Variants in SLC46A1 observed in about 807,000 individuals in gnomAD.
SLC46A1 encodes the protein solute carrier family 46 member 1.
In SLC46A1, 17 loss-of-function variants were observed where a neutral mutation model predicts 32.1. The ratio of observed to expected loss-of-function variants is 0.53; its 90% CI spans 0.36 to 0.79. The LOEUF (loss-of-function observed/expected upper bound fraction) is 0.79. SLC46A1 is among the 30% of genes least tolerant of loss of function. The pLI, the probability that SLC46A1 is intolerant of heterozygous loss-of-function variation, is 0.00. For missense variants in SLC46A1, 517 were observed against 588.2 expected (o/e 0.88, Z 1.25); for synonymous variants, 240 against 262.7 (o/e 0.91, Z 0.84).
chr17:28,402,400 C>T, intron 2 of SLC46A1, 79 bp from the exon 3 acceptor site: 1 of 1,250,920 alleles, frequency 8.0e-7, no homozygotes, highest in Non-Finnish European at 1.1e-6. Flanking sequence ...GAGCTCCTAT[C>T]CATACCCCAC....
intron 2 of SLC46A1, chr17:28,404,232 C>T (rs2068227949): frequency 8.3e-6 from 2 of 241,026 alleles, no homozygotes; most frequent in Admixed American, 1.0e-4. Flanking sequence ...GAGGTAGGTC[C>T]TGTGATTCTT....
intron 4 of SLC46A1, 107 bp downstream of exon 4, chr17:28,400,503 G>C (rs2068182546): frequency 1.4e-6 from 2 of 1,462,112 alleles, no homozygotes; most frequent in South Asian, 2.6e-5. Context: ...GACACCCAGA[G>C]GGTAAGGATT....
rs1278608677 is a variant in SLC46A1, at chr17:28,395,821, C to T, written c.*3835G>A. ...TCCTGCCCTGGGCCCAGCCTCGGGC[C>T]AGTGGGCCTCCCAGCACCTGCCTGG... is the stretch of plus-strand genomic sequence containing the variant. On this transcript the variant is annotated 3_prime_UTR_variant, in exon 5 of 5. Transcript: ENST00000612814. 6 of 1,549,136 alleles carry T rather than the reference C, an allele frequency of 3.9e-6. No individual in the cohort carries two copies. In the African/African-American group the frequency reaches 8.1e-5, roughly 21 times the overall value.
intron 2 of SLC46A1, chr17:28,403,275 T>C (rs1400841663): frequency 6.6e-6 from 1 of 152,250 alleles, no homozygotes; most frequent in African/African-American, 2.4e-5. Context: ...AACCAATACA[T>C]GAGGTAAAAA....
Position 28,405,217 on chromosome 17 carries a change from A to G in SLC46A1, c.480T>C (p.Leu160=), listed in dbSNP as rs1555590813. 1 of 1,597,394 alleles carries G rather than the reference A, an allele frequency of 6.3e-7. No individual in the cohort carries two copies. Among genetic ancestry groups the G allele is most frequent in the Non-Finnish European group, 8.5e-7 (1 of 1,172,344 alleles). Residue 160 remains leucine (L), a synonymous_variant, in exon 2 of 5, where the codon CTT becomes CTC. Transcript: ENST00000612814. ...LCALLGDFGG[L]LAASFASVAD... ...CCACGGACGCAAAGCTAGCAGCCAG[A>G]AGGCCACCGAAGTCGCCGAGGAGGG...
Position 28,395,860 on chromosome 17 carries a change from T to C in SLC46A1, c.*3796A>G. ...GCACCTGCCTGGCTACAAGGGTCCC[T>C]AGATGGGTACAGGGGTATCTTCCTC... On this transcript the variant is annotated 3_prime_UTR_variant, in exon 5 of 5. Coordinates refer to ENST00000612814, the MANE Select transcript of SLC46A1 (RefSeq NM_080669.6). 6.2e-7 allele frequency: 1 copy of C among 1,608,878 alleles called. No homozygotes were observed. The highest frequency in any genetic ancestry group is 8.5e-7 in the Non-Finnish European group (1 of 1,178,756).
intron 3 of SLC46A1, 91 bp downstream of exon 3, chr17:28,402,147 C>T: frequency 9.0e-7 from 1 of 1,115,224 alleles, no homozygotes; most frequent in Non-Finnish European, 1.3e-6. Flanking sequence ...GGGGGGAAGG[C>T]AAGCTGTTCC....
Position 28,405,581 on chromosome 17 carries a change from T to A in SLC46A1, c.229-113A>T, listed in dbSNP as rs2068249761. 4.8e-6 allele frequency: 7 copies of A among 1,452,418 alleles called. No homozygotes were observed. In the Admixed American group the frequency reaches 1.2e-4, roughly 25 times the overall value. 90.0% of individuals were successfully genotyped at this position (1,452,418 alleles called of 1,614,324 possible). On this transcript the variant is annotated intron_variant, in intron 1 of 4. Coordinates refer to ENST00000612814, the MANE Select transcript of SLC46A1 (RefSeq NM_080669.6). Reference sequence around the variant, plus strand: ...AGGACTTCCTTTGGAGCCCTAAACCTCAGAGAATCTTAGCACAGCTTTCAA... The same window carrying A: ...AGGACTTCCTTTGGAGCCCTAAACCACAGAGAATCTTAGCACAGCTTTCAA...
chr17:28,405,522 C>T, intron 1 of SLC46A1, 54 bp from the exon 2 acceptor site: 1 of 1,572,086 alleles, frequency 6.4e-7, no homozygotes, highest in Non-Finnish European at 8.6e-7. Flanking sequence ...TCCACAATCC[C>T]CAAATCCTCG....
In SLC46A1 at chr17:28,396,549, G is replaced by C. The variant is rs1555588078; in HGVS notation, c.*3107C>G. On this transcript the variant is annotated 3_prime_UTR_variant, in exon 5 of 5. Coordinates refer to ENST00000612814, the MANE Select transcript of SLC46A1 (RefSeq NM_080669.6). ...CATTGGGTTGTCTGTCTCCGTCATG[G>C]GGAGGGTCCCTGCTCAGTTCTGGAG... The C allele has an allele frequency of 1.9e-6, 1 of 522,986 alleles. No homozygotes were observed. The highest frequency in any genetic ancestry group is 3.4e-6 in the Non-Finnish European group (1 of 289,866). 32.4% of individuals were successfully genotyped at this position (522,986 alleles called of 1,614,324 possible).
In SLC46A1 at chr17:28,404,764, C is replaced by T; in HGVS notation, c.933G>A (p.Gln311=). 3 of 1,614,018 alleles carry T rather than the reference C, an allele frequency of 1.9e-6. No individual in the cohort carries two copies. The highest frequency in any genetic ancestry group is 2.5e-6 in the Non-Finnish European group (3 of 1,179,896). The change falls in exon 2 of 5, where the codon CAG becomes CAA. Residue 311 remains glutamine, a synonymous_variant. Coordinates refer to ENST00000612814, the MANE Select transcript of SLC46A1 (RefSeq NM_080669.6). The part of the protein sequence containing the change: ...SKLIGYGSAA[Q]HLPYLTSLLA... ...GCAGGCTGGTGAGGTAGGGGAGATG[C>T]TGAGCTGCAGAACCATAGCCGATTA...
At chr17:28,400,376 T>G (rs1416923095) in intron 4 of SLC46A1, 2 of 531,170 alleles carry the variant, frequency 3.8e-6, no homozygotes, top group Non-Finnish European at 6.7e-6. Flanking sequence ...AACACAGCCT[T>G]GCCAAGCAGC....
chr17:28,405,020 G>A lies in SLC46A1; in HGVS notation c.677C>T (p.Ala226Val). 3.1e-6 allele frequency: 5 copies of A among 1,614,030 alleles called. No individual in the cohort carries two copies. The highest frequency in any genetic ancestry group is 4.2e-6 in the Non-Finnish European group (5 of 1,179,896). ...LALLIAMTLY[A>V]AFCFGETLKE... ...TAAGGTCTCACCAAAGCAGAAAGCT[G>A]CATAGAGAGTCATGGCTATCAGCAA... The change falls in exon 2 of 5, where the codon GCA becomes GTA. Residue 226 changes from alanine to valine, a missense_variant. By Grantham distance (64) the Ala-to-Val change is moderately conservative. Coordinates refer to ENST00000612814, the MANE Select transcript of SLC46A1 (RefSeq NM_080669.6).
At position 28,396,052 on chromosome 17, in the gene SLC46A1, G is replaced by A. The variant is rs782010863; in HGVS notation, c.*3604C>T. On this transcript the variant is annotated 3_prime_UTR_variant, in exon 5 of 5. Transcript: ENST00000612814. Reference sequence around the variant, plus strand: ...GTGAGCCCCAGGGCCCTGGGACCAGGGGGGTAGGGTACAAATCACCATGAC... The same window carrying A: ...GTGAGCCCCAGGGCCCTGGGACCAGAGGGGTAGGGTACAAATCACCATGAC... The A allele has an allele frequency of 1.2e-6, 2 of 1,613,740 alleles. No homozygotes were observed. The highest frequency in any genetic ancestry group is 1.7e-6 in the Non-Finnish European group (2 of 1,179,766).
At chr17:28,405,820 C>T in intron 1 of SLC46A1, 67 bp downstream of exon 1, 1 of 1,466,814 alleles carries the variant, frequency 6.8e-7, no homozygotes, top group Non-Finnish European at 9.2e-7. Flanking sequence ...GCAGGCCCCG[C>T]CCCTCCGCTG....
At chr17:28,399,842 G>T in intron 4 of SLC46A1, 129 bp from the exon 5 acceptor site, 1 of 853,718 alleles carries the variant, frequency 1.2e-6, no homozygotes, top group Non-Finnish European at 2.0e-6. Flanking sequence ...CCTTCCCCAA[G>T]CTGAGAAGCT....
Position 28,405,477 on chromosome 17 carries a change from G to T in SLC46A1, c.229-9C>A. 6.3e-7 allele frequency: 1 copy of T among 1,595,732 alleles called. No individual in the cohort carries two copies. Among genetic ancestry groups the T allele is most frequent in the Admixed American group, 1.7e-5 (1 of 57,966 alleles). On this transcript the variant is annotated splice_polypyrimidine_tract_variant and intron_variant, in intron 1 of 4. Transcript: ENST00000612814. ...GTAAGGGTCTCCACTTCCTGTAGGG[G>T]CACAATGACCAGGGTGCGGTTCCTC...
rs1555591317 is a variant in SLC46A1 at position 28,405,980 on chromosome 17, C to T, written c.135G>A (p.Gln45=). 6.2e-6 allele frequency: 10 copies of T among 1,611,776 alleles called. No individual in the cohort carries two copies. The highest frequency in any genetic ancestry group is 7.6e-6 in the Non-Finnish European group (9 of 1,179,340). Residue 45 remains glutamine (Q), a synonymous_variant, in exon 1 of 5, where the codon CAG becomes CAA. Transcript: ENST00000612814. ...ALVLQGPLTT[Q]YLWHRFSADL... Reference sequence around the variant, plus strand: ...CGGCGCTGAAGCGGTGCCACAGATACTGCGTGGTGAGCGGGCCCTGCAGGA... The same window carrying T: ...CGGCGCTGAAGCGGTGCCACAGATATTGCGTGGTGAGCGGGCCCTGCAGGA...
Position 28,405,425 on chromosome 17 carries a change from A to G in SLC46A1, c.272T>C (p.Val91Ala), listed in dbSNP as rs1244416808. 1.6e-5 allele frequency: 25 copies of G among 1,593,768 alleles called. No homozygotes were observed. The highest frequency in any genetic ancestry group is 2.0e-5 in the Non-Finnish European group (23 of 1,171,116). Residue 91 changes from valine to alanine, a missense_variant, in exon 2 of 5, where the codon GTG (valine) becomes GCG (alanine). Physicochemically the swap from Val to Ala is moderately conservative, Grantham distance 64. Transcript: ENST00000612814. ...LTSHWTLYMN[V>A]GGFLVGLFSS... ...GAAGAGCCCCACCAGGAAGCCGCCCACGTTCATGTAGAGGGTCCAGTGGGA... is the reference window on the plus strand; with the variant it reads ...GAAGAGCCCCACCAGGAAGCCGCCCGCGTTCATGTAGAGGGTCCAGTGGGA...
Sources: gnomAD v4.1 joint callset for allele counts on GRCh38, gnomAD v4.1.1 for gene constraint, MANE v1.5 for transcripts, NCBI Gene and HGNC (gene_info 2026-07-23, HGNC 2026-07-21) for gene names.